NDRG1: variants seen among roughly 807,000 people sequenced by gnomAD.
NDRG1 encodes protein NDRG1.
NDRG1 carries 32 observed loss-of-function variants against 56.9 expected under a neutral mutation model. The ratio of observed to expected loss-of-function variants is 0.56; its 90% confidence interval spans 0.42 to 0.76. The LOEUF (loss-of-function observed/expected upper bound fraction) is 0.76, where lower values mean the gene tolerates loss of function less well. NDRG1 is among the 30% of genes least tolerant of loss of function. The pLI is 0.00. For synonymous variants in NDRG1, 211 were observed against 204.1 expected (o/e 1.03, Z -0.29); for missense variants, 507 against 545.7 (o/e 0.93, Z 0.71).
intron 4 of NDRG1, 128 bp downstream of exon 4, chr8:133,264,419 G>A: frequency 2.4e-6 from 2 of 828,608 alleles, no homozygotes; most frequent in Non-Finnish European, 4.0e-6. Flanking sequence ...GTTCTTCCCA[G>A]AACAGCCCCA....
chr8:133,252,758 C>T (rs957259616), intron 9 of NDRG1, among the ~76,000 whole-genome samples: 1 of 142,246 alleles, frequency 7.0e-6, no homozygotes, highest in Non-Finnish European at 1.5e-5. Context: ...CTGTTTCCCT[C>T]GTACACTCAC....
rs530319794 is a variant in NDRG1 at position 133,291,836 on chromosome 8, C to T, written c.-19+5298G>A. ...TGTCTCCCTCTCAAACAAGCCAAAG[C>T]CGCATTCACTCCCTGGGTGTGGGTC... On this transcript the variant is annotated intron_variant, in intron 1 of 15. Transcript: ENST00000323851. 1.6e-3 allele frequency among the ~76,000 whole-genome samples: 244 copies of T among 152,310 alleles called. 3 individuals are homozygous for T. Among genetic ancestry groups the T allele is most frequent in the Middle Eastern group, 6.8e-3 (2 of 294 alleles).
rs1421690135 is a variant in NDRG1, at chr8:133,243,914, A to G, written c.891+441T>C. Among the ~76,000 whole-genome samples, 20 of 151,954 alleles carry G rather than the reference A, an allele frequency of 1.3e-4. No individual in the cohort carries two copies. In the East Asian group the frequency reaches 3.5e-3, roughly 27 times the overall value. On this transcript the variant is annotated intron_variant, in intron 14 of 15. Transcript: ENST00000323851. ...TATTTGTACATGTGCACACACATTT[A>G]CACATGCACACAGACATGTGTACAC...
rs932193715 is a variant in NDRG1, at chr8:133,237,636, G to A, written c.*1242C>T. 2 of 233,078 alleles carry A rather than the reference G, an allele frequency of 8.6e-6. No homozygotes were observed. Among genetic ancestry groups the A allele is most frequent in the Non-Finnish European group, 1.7e-5 (2 of 118,024 alleles). 14.4% of individuals were successfully genotyped at this position (233,078 alleles called of 1,614,324 possible). ...CAGGAGAGGGAAGGAAAGTCCCATG[G>A]AATATGTATTCCAGAATCCTTACAT... On this transcript the variant is annotated 3_prime_UTR_variant, in exon 16 of 16. Coordinates refer to ENST00000323851, the MANE Select transcript of NDRG1 (RefSeq NM_006096.4).
At chr8:133,269,501 CG>C (rs1254335310) in intron 3 of NDRG1, among the ~76,000 whole-genome samples, 1 of 152,192 alleles carries the variant, frequency 6.6e-6, no homozygotes, top group Non-Finnish European at 1.5e-5. Context: ...GTTTCTCACA[CG>C]TGTTTTCTCA....
At chr8:133,280,026 G>A (rs1857693953) in intron 3 of NDRG1, among the ~76,000 whole-genome samples, 1 of 152,206 alleles carries the variant, frequency 6.6e-6, no homozygotes, top group South Asian at 2.1e-4. Context: ...TTCGTGGGAA[G>A]TGACTGGTTC....
chr8:133,282,464 CAAGTGAAT>C (rs1468846422), intron 2 of NDRG1, among the ~76,000 whole-genome samples: 1 of 152,184 alleles, frequency 6.6e-6, no homozygotes, highest in Non-Finnish European at 1.5e-5. Flanking sequence ...CCAGAAATGT[CAAGTGAAT>C]AAAGCAAAGT....
At chr8:133,247,820 A>C in intron 12 of NDRG1, 55 bp downstream of exon 12, 1 of 1,587,402 alleles carries the variant, frequency 6.3e-7, no homozygotes, top group East Asian at 2.2e-5. Context: ...CAACAAAGTC[A>C]ACCAGACTTT....
intron 3 of NDRG1, chr8:133,265,002 C>A: frequency 2.8e-6 from 1 of 361,898 alleles, no homozygotes; most frequent in South Asian, 2.4e-5. Context: ...TGCCCTCAGG[C>A]CCCACTGGCC....
At chr8:133,260,548 CA>C (rs1294650414) in intron 5 of NDRG1, among the ~76,000 whole-genome samples, 2 of 152,176 alleles carry the variant, frequency 1.3e-5, no homozygotes, top group South Asian at 2.1e-4. Context: ...AAAACTTCAC[CA>C]GGGGGAACTA....
rs764640904 is a variant in NDRG1 at position 133,246,636 on chromosome 8, T to G, written c.835A>C (p.Thr279Pro). The part of the protein sequence containing the change: ...VVECNSKLDP[T>P]KTTLLKMADC... ...TGTACCTTGAGGAGAGTGGTCTTTGTTGGGTCCAATTTTGAGTTGCACTCC... is the reference window on the plus strand; with the variant it reads ...TGTACCTTGAGGAGAGTGGTCTTTGGTGGGTCCAATTTTGAGTTGCACTCC... The change falls in exon 13 of 16, where the codon ACA becomes CCA. Residue 279 changes from threonine (T) to proline (P), a missense_variant. Coordinates refer to ENST00000323851, the MANE Select transcript of NDRG1 (RefSeq NM_006096.4). 6.2e-7 allele frequency: 1 copy of G among 1,614,206 alleles called. No individual in the cohort carries two copies. Among genetic ancestry groups the G allele is most frequent in the Non-Finnish European group, 8.5e-7 (1 of 1,180,032 alleles).
chr8:133,238,873 G>A lies in NDRG1; in HGVS notation c.*5C>T. ...GAGTCCGGGGGCGGCAGCTGGGCAG[G>A]CCGCCTAGCAGGAGACCTCCATGGA... On this transcript the variant is annotated 3_prime_UTR_variant, in exon 16 of 16. Transcript: ENST00000323851. The A allele has an allele frequency of 6.4e-7, 1 of 1,550,750 alleles. No homozygotes were observed. Among genetic ancestry groups the A allele is most frequent in the Non-Finnish European group, 8.7e-7 (1 of 1,149,096 alleles).
rs1248754178 is a variant in NDRG1, at chr8:133,244,236, C to T, written c.891+119G>A. On this transcript the variant is annotated intron_variant, in intron 14 of 15. Coordinates refer to ENST00000323851, the MANE Select transcript of NDRG1 (RefSeq NM_006096.4). ...TATATAGCACCTTTTCCCAACAGTC[C>T]ACAAACTGTCATCCGATGTCACAGC... is the stretch of plus-strand genomic sequence containing the variant. The T allele has an allele frequency of 1.9e-5, 24 of 1,294,524 alleles. No individual in the cohort carries two copies. The South Asian group carries it at 2.8e-4, about 15-fold the overall frequency. The allele number at this position is 1,294,524 out of a possible 1,614,324, so 80.2% of individuals were successfully genotyped here.
chr8:133,290,832 G>A (rs921149393), intron 1 of NDRG1, among the ~76,000 whole-genome samples: 6 of 152,180 alleles, frequency 3.9e-5, no homozygotes, highest in African/African-American at 1.4e-4. Context: ...CCAACTCAAT[G>A]CTTTGGAAAA....
chr8:133,258,956 C>A (rs141434756), intron 6 of NDRG1: 1 of 628,052 alleles, frequency 1.6e-6, no homozygotes, highest in Non-Finnish European at 2.9e-6. Context: ...ATAACATTCA[C>A]GCAAGAGGAA....
At chr8:133,251,938 G>C (rs951530083) in intron 9 of NDRG1, among the ~76,000 whole-genome samples, 1 of 152,196 alleles carries the variant, frequency 6.6e-6, no homozygotes, top group African/African-American at 2.4e-5. Flanking sequence ...GGCAGAGAGT[G>C]GTGTGAGCAG....
At chr8:133,264,458 G>T in intron 4 of NDRG1, 89 bp downstream of exon 4, 1 of 1,189,528 alleles carries the variant, frequency 8.4e-7, no homozygotes, top group Non-Finnish European at 1.2e-6. Context: ...GAAACCACCA[G>T]CTCCCGGCCA....
chr8:133,270,309 C>T (rs1002458205), intron 3 of NDRG1, among the ~76,000 whole-genome samples: 1 of 152,206 alleles, frequency 6.6e-6, no homozygotes, highest in African/African-American at 2.4e-5. Context: ...TGGCTGTCAA[C>T]CCTGGCTTGG....
At chr8:133,264,195 A>C (rs899778165) in intron 4 of NDRG1, among the ~76,000 whole-genome samples, 1 of 152,226 alleles carries the variant, frequency 6.6e-6, no homozygotes, top group African/African-American at 2.4e-5. Flanking sequence ...GACAGATAAA[A>C]GGTACAGGAT....
Sources: gnomAD v4.1 joint callset for allele counts (sites outside exome capture counted in the v4.1 genomes callset) on GRCh38, gnomAD v4.1.1 for gene constraint, MANE v1.5 for transcripts, NCBI Gene and HGNC (gene_info 2026-07-23, HGNC 2026-07-21) for gene names.